Variants in HIBADH observed in about 807,000 individuals in gnomAD.
HIBADH encodes the protein 3-hydroxyisobutyrate dehydrogenase, mitochondrial.
In HIBADH, 25 loss-of-function variants were observed where a neutral mutation model predicts 36.1. The ratio of observed to expected loss-of-function variants is 0.69; its 90% CI spans 0.50 to 0.97. The LOEUF (loss-of-function observed/expected upper bound fraction) is 0.97. Ranked by LOEUF, HIBADH falls within the 50% of genes least tolerant of loss-of-function variation. The probability of loss-of-function intolerance (pLI) is 0.00; values close to 1 mark genes in which losing one functional copy is unlikely to be tolerated. For synonymous variants in HIBADH, 160 were observed against 149.5 expected (o/e 1.07, Z -0.51); for missense variants, 421 against 418.0 (o/e 1.01, Z -0.06).
At chr7:27,626,811 T>TATCA (rs1477764623) in intron 4 of HIBADH, among the ~76,000 whole-genome samples, 1 of 152,186 alleles carries the variant, frequency 6.6e-6, no homozygotes, top group African/African-American at 2.4e-5. Flanking sequence ...AAATCCATGA[T>TATCA]GCATTTTTTA....
At chr7:27,526,461 G>A in intron 7 of HIBADH, 89 bp from the exon 8 acceptor site, 2 of 1,019,116 alleles carry the variant, frequency 2.0e-6, no homozygotes, top group Middle Eastern at 2.2e-4. Flanking sequence ...TTGAAAGAAG[G>A]AAAAATGTAA....
intron 4 of HIBADH, among the ~76,000 whole-genome samples, chr7:27,564,462 T>C (rs1030491298): frequency 1.3e-5 from 2 of 152,198 alleles, no homozygotes; most frequent in African/African-American, 4.8e-5. Context: ...TTTGCACATT[T>C]GTCAAAAAAC....
intron 1 of HIBADH, among the ~76,000 whole-genome samples, chr7:27,660,561 A>G (rs1388169972): frequency 6.6e-6 from 1 of 152,054 alleles, no homozygotes. Flanking sequence ...GGTACTCCGG[A>G]GGCTGAGGCA....
At chr7:27,550,520 T>G (rs898447349) in intron 4 of HIBADH, among the ~76,000 whole-genome samples, 2 of 149,860 alleles carry the variant, frequency 1.3e-5, no homozygotes, top group Non-Finnish European at 3.0e-5. Flanking sequence ...TGTGCAATGA[T>G]TTTTCATGCA....
chr7:27,578,152 A>G (rs1784740437), intron 4 of HIBADH, among the ~76,000 whole-genome samples: 2 of 152,234 alleles, frequency 1.3e-5, no homozygotes, highest in Admixed American at 6.5e-5. Context: ...GAAAATGTGG[A>G]GCTGAAGACA....
chr7:27,606,027 C>T (rs962072861), intron 4 of HIBADH, among the ~76,000 whole-genome samples: 1 of 152,096 alleles, frequency 6.6e-6, no homozygotes, highest in Non-Finnish European at 1.5e-5. Context: ...ATTTTCATTT[C>T]AAAAATTTTA....
intron 4 of HIBADH, among the ~76,000 whole-genome samples, chr7:27,549,647 AAT>A (rs1784288795): frequency 6.6e-6 from 1 of 152,210 alleles, no homozygotes; most frequent in African/African-American, 2.4e-5. Flanking sequence ...TTGCATCAAA[AAT>A]AGTGACCTTT....
At chr7:27,591,336 G>A (rs1784936430) in intron 4 of HIBADH, among the ~76,000 whole-genome samples, 1 of 152,250 alleles carries the variant, frequency 6.6e-6, no homozygotes, top group East Asian at 1.9e-4. Flanking sequence ...CGGATCACGA[G>A]GTCAGGAGAT....
intron 2 of HIBADH, among the ~76,000 whole-genome samples, chr7:27,643,578 A>T (rs890408294): frequency 1.3e-5 from 2 of 152,258 alleles, no homozygotes; most frequent in Admixed American, 1.3e-4. Flanking sequence ...ACAGATACTA[A>T]GTGGTATAGA....
chr7:27,543,185 A>G, intron 4 of HIBADH, 85 bp from the exon 5 acceptor site: 2 of 1,384,874 alleles, frequency 1.4e-6, no homozygotes, highest in Non-Finnish European at 2.0e-6. Context: ...AGAGAAACCA[A>G]CTAAAAACAT....
At chr7:27,533,699 C>A (rs1327285899) in intron 6 of HIBADH, among the ~76,000 whole-genome samples, 1 of 152,104 alleles carries the variant, frequency 6.6e-6, no homozygotes, top group Non-Finnish European at 1.5e-5. Context: ...AGAGTCTATC[C>A]TAGAACGTCA....
intron 5 of HIBADH, 58 bp downstream of exon 5, chr7:27,542,909 A>G: frequency 6.5e-7 from 1 of 1,535,454 alleles, no homozygotes; most frequent in South Asian, 1.2e-5. Flanking sequence ...AGGAAAGAGA[A>G]AGGAACATTA....
intron 4 of HIBADH, among the ~76,000 whole-genome samples, chr7:27,619,803 A>C (rs1482540959): frequency 6.6e-6 from 1 of 152,244 alleles, no homozygotes; most frequent in East Asian, 1.9e-4. Flanking sequence ...TAAAGCATTC[A>C]TGACATTTGG....
At chr7:27,572,345 T>C (rs563512104) in intron 4 of HIBADH, among the ~76,000 whole-genome samples, 1 of 152,348 alleles carries the variant, frequency 6.6e-6, no homozygotes, top group East Asian at 1.9e-4. Flanking sequence ...GGTATTTTAA[T>C]ATACCTAGTC....
At chr7:27,538,501 G>A (rs1309348750) in intron 5 of HIBADH, 84 bp from the exon 6 acceptor site, 3 of 1,102,150 alleles carry the variant, frequency 2.7e-6, no homozygotes, top group South Asian at 2.6e-5. Context: ...AATTCCAGGG[G>A]CTGCTTTCTA....
At chr7:27,578,776 G>A (rs185947176) in intron 4 of HIBADH, among the ~76,000 whole-genome samples, 1 of 152,098 alleles carries the variant, frequency 6.6e-6, no homozygotes, top group East Asian at 1.9e-4. Context: ...CTGCTTCCTT[G>A]CACCTGAGTT....
intron 2 of HIBADH, among the ~76,000 whole-genome samples, chr7:27,638,777 C>G (rs1785904889): frequency 6.6e-6 from 1 of 152,004 alleles, no homozygotes; most frequent in African/African-American, 2.4e-5. Context: ...AAAGAGTAGG[C>G]AAAGGACATG....
chr7:27,585,764 TTTAAG>T (rs1784853029), intron 4 of HIBADH, among the ~76,000 whole-genome samples: 1 of 152,186 alleles, frequency 6.6e-6, no homozygotes, highest in Non-Finnish European at 1.5e-5. Flanking sequence ...GCTTGTAACA[TTTAAG>T]TTTTCTGTTT....
chr7:27,619,853 T>TCCAAAC (rs1342698186), intron 4 of HIBADH, among the ~76,000 whole-genome samples: 3 of 152,060 alleles, frequency 2.0e-5, no homozygotes, highest in Non-Finnish European at 4.4e-5. Flanking sequence ...CATCAGTATC[T>TCCAAAC]CCAAACCCAC....
Sources: allele counts gnomAD v4.1 joint callset (sites outside exome capture counted in the v4.1 genomes callset), GRCh38; gene constraint gnomAD v4.1.1; transcripts MANE v1.5; gene names NCBI Gene and HGNC (gene_info 2026-07-23, HGNC 2026-07-21).